Variants in KIAA1217 observed in about 807,000 individuals in gnomAD.
KIAA1217 encodes the protein KIAA1217.
Under a neutral mutation model 163.9 loss-of-function variants are expected in KIAA1217, and 88 were observed. The ratio of observed to expected loss-of-function variants is 0.54; its 90% CI spans 0.45 to 0.64. The LOEUF is 0.64. Ranked by LOEUF, KIAA1217 falls within the 30% of genes least tolerant of loss-of-function variation. KIAA1217 has a pLI of 0.00. For missense variants in KIAA1217, 2,372 were observed against 2,475.0 expected (o/e 0.96, Z 0.88); for synonymous variants, 903 against 923.1 (o/e 0.98, Z 0.39).
chr10:24,442,851 C>G (rs1232275007), intron 5 of KIAA1217, among the ~76,000 whole-genome samples: 1 of 152,046 alleles, frequency 6.6e-6, no homozygotes, highest in Non-Finnish European at 1.5e-5. Flanking sequence ...CTGCCACTGC[C>G]TGTACCAGTA....
chr10:24,274,577 C>T (rs2077084330), intron 2 of KIAA1217, among the ~76,000 whole-genome samples: 1 of 152,122 alleles, frequency 6.6e-6, no homozygotes, highest in African/African-American at 2.4e-5. Flanking sequence ...TCTTGTTATT[C>T]ACAGTATTGA....
chr10:24,048,723 C>T (rs983113479), intron 2 of KIAA1217, among the ~76,000 whole-genome samples: 2 of 129,258 alleles, frequency 1.5e-5, no homozygotes, highest in Admixed American at 7.7e-5. Flanking sequence ...GAGCAAGACT[C>T]TGTCTCAAAA....
At chr10:23,836,339 C>T (rs1436341148) in intron 1 of KIAA1217, among the ~76,000 whole-genome samples, 1 of 152,002 alleles carries the variant, frequency 6.6e-6, no homozygotes, top group African/African-American at 2.4e-5. Context: ...TCCCTGGGCC[C>T]TACTCCAATA....
At chr10:24,505,618 TG>T (rs1333075938) in intron 9 of KIAA1217, among the ~76,000 whole-genome samples, 5 of 151,998 alleles carry the variant, frequency 3.3e-5, no homozygotes, top group African/African-American at 1.2e-4. Flanking sequence ...ACAGGTTCTG[TG>T]GAGGCCAGAT....
rs1474903564 is a variant in KIAA1217, at chr10:24,544,266, T to C, written c.4996T>C (p.Leu1666=). The C allele has an allele frequency of 1.9e-6, 3 of 1,613,946 alleles. No individual in the cohort carries two copies. Among genetic ancestry groups the C allele is most frequent in the Admixed American group, 1.7e-5 (1 of 59,990 alleles). ...AATTAGAAAAAACACCTACAGAACA[T>C]TGGATAGCCTGGAGCAGACCATTAA... ...DEIRKNTYRT[L]DSLEQTIKQL... is the part of the protein sequence containing the mutation. The change falls in exon 19 of 21, where the codon TTG becomes CTG. Residue 1666 remains leucine, a synonymous_variant. Coordinates refer to ENST00000376454, the MANE Select transcript of KIAA1217 (RefSeq NM_019590.5).
At chr10:24,312,215 A>C (rs1326533156) in intron 2 of KIAA1217, among the ~76,000 whole-genome samples, 1 of 152,026 alleles carries the variant, frequency 6.6e-6, no homozygotes. Context: ...GCTCAAAGTC[A>C]TTCAGGAAAA....
rs533315940 is a variant in KIAA1217 at position 24,378,254 on chromosome 10, A to G, written c.355-2615A>G. Among the ~76,000 whole-genome samples the G allele has an allele frequency of 1.2e-4, 18 of 152,242 alleles. 1 individual carries two copies. In the East Asian group the frequency reaches 3.5e-3, roughly 29 times the overall value. On this transcript the variant is annotated intron_variant, in intron 2 of 20. Coordinates refer to ENST00000376454, the MANE Select transcript of KIAA1217 (RefSeq NM_019590.5). The stretch of plus-strand genomic sequence containing the variant: ...GCTAAGTTCAGGTAACTACTTCTTG[A>G]CCCAATCAGGAAAGACATTTCCAGG...
upstream of KIAA1217, among the ~76,000 whole-genome samples, chr10:24,203,966 G>A (rs1440899976): frequency 3.3e-5 from 5 of 152,138 alleles, no homozygotes; most frequent in Non-Finnish European, 7.3e-5. Context: ...GTGCACACGG[G>A]GTCTTTGCTG....
At chr10:23,812,690 C>T (rs1837127714) in intron 1 of KIAA1217, among the ~76,000 whole-genome samples, 1 of 152,134 alleles carries the variant, frequency 6.6e-6, no homozygotes, top group South Asian at 2.1e-4. Context: ...CCAACACTGC[C>T]TCCCATCAAT....
intron 2 of KIAA1217, among the ~76,000 whole-genome samples, chr10:24,231,801 GTTT>G (rs1203313894): frequency 7.0e-6 from 1 of 142,096 alleles, no homozygotes; most frequent in Admixed American, 7.1e-5. Flanking sequence ...TCACTCTTGG[GTTT>G]TTTTTTTTTT....
intron 1 of KIAA1217, among the ~76,000 whole-genome samples, chr10:23,828,432 T>C (rs1838007663): frequency 6.6e-6 from 1 of 152,070 alleles, no homozygotes; most frequent in Admixed American, 6.6e-5. Flanking sequence ...CTCTAGGAGG[T>C]CATGGCTGGT....
intron 1 of KIAA1217, among the ~76,000 whole-genome samples, chr10:23,860,930 T>C (rs1839923276): frequency 6.6e-6 from 1 of 152,000 alleles, no homozygotes; most frequent in Admixed American, 6.6e-5. Context: ...TTTTCTTTTT[T>C]TGAGATGGAA....
At chr10:23,880,363 C>G (rs1049193477) in intron 1 of KIAA1217, among the ~76,000 whole-genome samples, 5 of 151,886 alleles carry the variant, frequency 3.3e-5, no homozygotes, top group African/African-American at 1.2e-4. Context: ...AGACGAACAT[C>G]ACCTGTTCTC....
chr10:23,714,201 A>C (rs1337433443), intron 1 of KIAA1217, among the ~76,000 whole-genome samples: 1 of 151,172 alleles, frequency 6.6e-6, no homozygotes, highest in Middle Eastern at 3.2e-3. Context: ...TTGTTATTAT[A>C]TTGCTGAAGC....
At chr10:23,895,941 A>G (rs915985375) in intron 1 of KIAA1217, among the ~76,000 whole-genome samples, 1 of 141,604 alleles carries the variant, frequency 7.1e-6, no homozygotes, top group Non-Finnish European at 1.5e-5. Context: ...GAATTGAACA[A>G]TGAGAACACA....
At chr10:24,533,267 C>T in intron 16 of KIAA1217, 30 bp downstream of exon 16, 4 of 1,577,502 alleles carry the variant, frequency 2.5e-6, no homozygotes, top group Non-Finnish European at 1.7e-6. Context: ...GACATTGGCT[C>T]CTTGCCTCCC....
At chr10:24,230,067 C>G (rs773311540) in intron 2 of KIAA1217, among the ~76,000 whole-genome samples, 4 of 152,104 alleles carry the variant, frequency 2.6e-5, no homozygotes, top group Non-Finnish European at 4.4e-5. Flanking sequence ...ATGAAGAACA[C>G]AGAGAAAGCC....
intron 2 of KIAA1217, among the ~76,000 whole-genome samples, chr10:24,167,186 T>C (rs1160032454): frequency 1.4e-5 from 1 of 70,432 alleles, no homozygotes; most frequent in East Asian, 2.4e-4. Flanking sequence ...TGTTTTAGGT[T>C]CTCTCCTTTT....
intron 20 of KIAA1217, 161 bp downstream of exon 20, chr10:24,545,264 A>G: frequency 7.0e-7 from 1 of 1,424,462 alleles, no homozygotes. Flanking sequence ...CCTTTGTTAC[A>G]CTTTTTTACC....
Sources: allele counts gnomAD v4.1 joint callset (sites outside exome capture counted in the v4.1 genomes callset), GRCh38; gene constraint gnomAD v4.1.1; transcripts MANE v1.5; gene names NCBI Gene and HGNC (gene_info 2026-07-23, HGNC 2026-07-21).